The following UTRN variants were observed in gnomAD, a reference collection of about 807,000 sequenced individuals.
The protein encoded by UTRN is dystrophin-related protein 1.
Under a neutral mutation model 463.9 loss-of-function variants are expected in UTRN, and 283 were observed. The ratio of observed to expected loss-of-function variants is 0.61; its 90% CI spans 0.55 to 0.67. The LOEUF is 0.67. Among genes scored for constraint, UTRN ranks in the 30% least tolerant of loss-of-function variants. The pLI is 0.00. For synonymous variants in UTRN, 1,442 were observed against 1,431.5 expected (o/e 1.01, Z -0.17); for missense variants, 3,922 against 4,084.3 (o/e 0.96, Z 1.08).
At chr6:144,500,042 T>G (rs1794035482) in intron 34 of UTRN, among the ~76,000 whole-genome samples, 1 of 152,258 alleles carries the variant, frequency 6.6e-6, no homozygotes. Context: ...TGATGACATG[T>G]CCTTGCTCTT....
chr6:144,556,512 A>G (rs1245772994), intron 49 of UTRN, among the ~76,000 whole-genome samples: 1 of 152,200 alleles, frequency 6.6e-6, no homozygotes, highest in Non-Finnish European at 1.5e-5. Flanking sequence ...AAATCTTCCC[A>G]ATTGCTACAA....
intron 52 of UTRN, among the ~76,000 whole-genome samples, chr6:144,683,344 G>A (rs1045164368): frequency 2.0e-5 from 3 of 152,124 alleles, no homozygotes; most frequent in Non-Finnish European, 4.4e-5. Context: ...GATCAGATTC[G>A]TCACTCTACC....
chr6:144,543,429 G>T (rs913538501), intron 46 of UTRN, among the ~76,000 whole-genome samples: 2 of 152,100 alleles, frequency 1.3e-5, no homozygotes, highest in Non-Finnish European at 2.9e-5. Flanking sequence ...TAGATCGCAG[G>T]CTCCTGCCCC....
chr6:144,747,653 A>G (rs1286718829), intron 54 of UTRN, among the ~76,000 whole-genome samples: 1 of 152,148 alleles, frequency 6.6e-6, no homozygotes, highest in East Asian at 1.9e-4. Context: ...TGGTCCTTGA[A>G]ATCTTGCTAT....
intron 74 of UTRN, among the ~76,000 whole-genome samples, chr6:144,848,427 A>G (rs1042081191): frequency 4.6e-5 from 7 of 152,182 alleles, no homozygotes; most frequent in Non-Finnish European, 1.0e-4. Flanking sequence ...GGAAGAGGCA[A>G]AGAAGTGATT....
chr6:144,673,130 G>T (rs1781224904), intron 51 of UTRN, among the ~76,000 whole-genome samples: 1 of 152,108 alleles, frequency 6.6e-6, no homozygotes. Flanking sequence ...ATGTGCTGAT[G>T]AAAAGAATGT....
chr6:144,438,715 T>C, intron 11 of UTRN, 30 bp from the exon 12 acceptor site: 1 of 1,611,850 alleles, frequency 6.2e-7, no homozygotes, highest in East Asian at 2.2e-5. Flanking sequence ...AAAAGGCTTG[T>C]AGGAATAATG....
chr6:144,569,205 CA>C (rs1206532216), intron 50 of UTRN, among the ~76,000 whole-genome samples: 1 of 151,502 alleles, frequency 6.6e-6, no homozygotes, highest in Non-Finnish European at 1.5e-5. Flanking sequence ...ATATTAATTT[CA>C]AAAATCAGAA....
chr6:144,732,214 T>TTTTATATATA lies in UTRN; in HGVS notation c.7939+1729_7939+1730insTTATATATAT, dbSNP rs1319415092. Among the ~76,000 whole-genome samples the TTTTATATATA allele has an allele frequency of 2.9e-4, 27 of 92,276 alleles. No individual in the cohort carries two copies. The East Asian group carries it at 0.014, about 47-fold the overall frequency. The allele number at this position is 92,276 out of a possible 152,430, so 60.5% of individuals were successfully genotyped here. A position where few individuals can be genotyped will look rare whatever the true frequency, so the allele number is the denominator to read the frequency against. On this transcript the variant is annotated intron_variant, in intron 54 of 74. Transcript: ENST00000367545. ...AATTATTCCTTTTGAGTACTCTGTTTTATATATATATATATATATATATAC... is the reference window on the plus strand; with the variant it reads ...AATTATTCCTTTTGAGTACTCTGTTTTTTATATATATATATATATATATATATATATATAC...
chr6:144,845,786 A>G (rs937231815), intron 73 of UTRN, among the ~76,000 whole-genome samples: 12 of 152,092 alleles, frequency 7.9e-5, no homozygotes, highest in African/African-American at 2.9e-4. Flanking sequence ...TGTTAGAACT[A>G]GGCTTCTTTT....
rs367565348 is a variant in UTRN, at chr6:144,550,948, T to C, written c.6811-17T>C. The C allele has an allele frequency of 2.5e-6, 4 of 1,571,170 alleles. No homozygotes were observed. The African/African-American group carries it at 5.5e-5, about 22-fold the overall frequency. ...ATGGCTTATTAACCTATCCGAATAA[T>C]CATTTCTACTTAACAGATTACAAAG... On this transcript the variant is annotated splice_polypyrimidine_tract_variant and intron_variant, in intron 47 of 74. Coordinates refer to ENST00000367545, the MANE Select transcript of UTRN (RefSeq NM_007124.3).
intron 25 of UTRN, among the ~76,000 whole-genome samples, chr6:144,477,240 C>CA (rs1791313938): frequency 6.6e-6 from 1 of 151,936 alleles, no homozygotes; most frequent in South Asian, 2.1e-4. Context: ...AAGTGAGTGA[C>CA]AAAGCAGTGA....
At chr6:144,633,059 A>G (rs116279231) in intron 51 of UTRN, among the ~76,000 whole-genome samples, 2,442 of 152,156 alleles carry the variant, frequency 0.016, 77 homozygotes, top group African/African-American at 0.056. Flanking sequence ...TAAACAACCA[A>G]TAATATTTGG....
In UTRN at chr6:144,429,603, C is replaced by T; in HGVS notation, c.717C>T (p.Asp239=). The T allele has an allele frequency of 5.0e-6, 8 of 1,603,546 alleles. No individual in the cohort carries two copies. The highest frequency in any genetic ancestry group is 6.8e-6 in the Non-Finnish European group (8 of 1,175,144). Residue 239 remains aspartate, a synonymous_variant, in exon 9 of 75, where the codon GAC becomes GAT. Coordinates refer to ENST00000367545, the MANE Select transcript of UTRN (RefSeq NM_007124.3). The part of the protein sequence containing the change: ...DPEDVAVQLP[D]KKSIIMYLTS... ...TAGATGTTGCCGTTCAGCTTCCTGA[C>T]AAGAAATCCATAATTATGTATTTAA... is the stretch of plus-strand genomic sequence containing the variant.
chr6:144,379,486 C>A (rs1268155653), intron 2 of UTRN, among the ~76,000 whole-genome samples: 13 of 152,168 alleles, frequency 8.5e-5, no homozygotes. Flanking sequence ...CAGTTTCTCG[C>A]CACGTGGGCC....
intron 23 of UTRN, among the ~76,000 whole-genome samples, chr6:144,466,836 C>T (rs1790008902): frequency 6.6e-6 from 1 of 152,250 alleles, no homozygotes; most frequent in African/African-American, 2.4e-5. Flanking sequence ...CCAAGGCACA[C>T]ACAAAACTGT....
At chr6:144,698,366 T>G (rs1395661134) in intron 52 of UTRN, among the ~76,000 whole-genome samples, 1 of 152,246 alleles carries the variant, frequency 6.6e-6, no homozygotes, top group Non-Finnish European at 1.5e-5. Flanking sequence ...AAATAAATTT[T>G]CTAATCATAC....
chr6:144,829,800 G>A (rs1019044606), intron 69 of UTRN, among the ~76,000 whole-genome samples: 2 of 151,306 alleles, frequency 1.3e-5, no homozygotes, highest in African/African-American at 2.4e-5. Flanking sequence ...TCTAAAACTT[G>A]TTTTATTTAT....
chr6:144,675,668 A>G (rs1781517885), intron 51 of UTRN, among the ~76,000 whole-genome samples: 1 of 152,186 alleles, frequency 6.6e-6, no homozygotes, highest in East Asian at 1.9e-4. Flanking sequence ...GTTGGCCAGG[A>G]TGAGTACTCA....
Sources: allele counts gnomAD v4.1 joint callset (sites outside exome capture counted in the v4.1 genomes callset), GRCh38; gene constraint gnomAD v4.1.1; transcripts MANE v1.5; gene names NCBI Gene and HGNC (gene_info 2026-07-23, HGNC 2026-07-21).